CEP63: variants seen among roughly 807,000 people sequenced by gnomAD.
The protein encoded by CEP63 is centrosomal protein of 63 kDa.
A neutral mutation model predicts 89.1 loss-of-function variants in CEP63; 84 were observed. The ratio of observed to expected loss-of-function variants is 0.94; its 90% confidence interval spans 0.79 to 1.13. The LOEUF (loss-of-function observed/expected upper bound fraction) is 1.13, where lower values mean the gene tolerates loss of function less well. Ranked by LOEUF, CEP63 falls within the 50% of genes most tolerant of loss-of-function variation. CEP63 has a pLI of 0.00. For synonymous variants in CEP63, 267 were observed against 272.5 expected, an observed-to-expected ratio of 0.98 and a Z score of 0.20; for missense variants, 838 against 813.3, an observed-to-expected ratio of 1.03 and a Z score of -0.37.
chr3:134,623,431 C>G, the CEP63 span, among the ~76,000 whole-genome samples: 1 of 152,178 alleles, frequency 6.6e-6, no homozygotes, highest in East Asian at 1.9e-4. Flanking sequence ...CCTGCTTCAG[C>G]CTTCTCTATG....
chr3:134,672,042 T>C, the CEP63 span, among the ~76,000 whole-genome samples: 5 of 151,992 alleles, frequency 3.3e-5, no homozygotes, highest in Non-Finnish European at 5.9e-5. Context: ...GTGTGTAGGG[T>C]GGAGTGTTGA....
intron 10 of CEP63, among the ~76,000 whole-genome samples, chr3:134,586,941 T>G (rs931562745): frequency 6.6e-6 from 1 of 152,214 alleles, no homozygotes; most frequent in African/African-American, 2.4e-5. Context: ...TTCATTAATT[T>G]GATCTTCAAT....
the CEP63 span, among the ~76,000 whole-genome samples, chr3:134,773,159 A>C: frequency 0.12 from 18,942 of 152,106 alleles, 1,967 homozygotes; most frequent in South Asian, 0.32. Flanking sequence ...GAATAATGGC[A>C]TCTCCTTCCT....
chr3:134,543,469 G>C (rs1028479670), intron 6 of CEP63, among the ~76,000 whole-genome samples: 2 of 152,098 alleles, frequency 1.3e-5, no homozygotes, highest in African/African-American at 4.8e-5. Context: ...AGTGAAAGAA[G>C]GTTATGTTCT....
At chr3:134,566,890 A>G (rs188887713), downstream of CEP63, among the ~76,000 whole-genome samples, 3 of 152,242 alleles carry the variant, frequency 2.0e-5, no homozygotes, top group South Asian at 2.1e-4. Flanking sequence ...AAGAGTTACC[A>G]TATTACCCAG....
rs1338388865 is a variant in CEP63 at position 134,583,590 on chromosome 3, G to A, written c.1207-3868G>A. On this transcript the variant is annotated intron_variant, in intron 10 of 10. Coordinates refer to the CEP63 transcript ENST00000683931. ...CTGTTTTGGTTACTGTAGCCTTGTAGTATAGTTTGAAGTCAGGTAGAGTGA... is the reference window on the plus strand; with the variant it reads ...CTGTTTTGGTTACTGTAGCCTTGTAATATAGTTTGAAGTCAGGTAGAGTGA... Among the ~76,000 whole-genome samples the A allele has an allele frequency of 5.3e-5, 8 of 152,244 alleles. 1 individual carries two copies. Among genetic ancestry groups the A allele is most frequent in the African/African-American group, 1.9e-4 (8 of 41,532 alleles).
chr3:134,760,310 C>T, the CEP63 span, among the ~76,000 whole-genome samples: 2 of 152,134 alleles, frequency 1.3e-5, no homozygotes, highest in African/African-American at 2.4e-5. Context: ...CCGCCCGCCT[C>T]GGCCTCCCAA....
the CEP63 span, among the ~76,000 whole-genome samples, chr3:134,705,167 T>A: frequency 1.2e-4 from 19 of 152,304 alleles, no homozygotes; most frequent in Admixed American, 1.1e-3. Context: ...GCTGTGTAAT[T>A]TATAAGGAAA....
the CEP63 span, among the ~76,000 whole-genome samples, chr3:134,646,515 T>C: frequency 2.6e-5 from 4 of 152,254 alleles, no homozygotes; most frequent in African/African-American, 9.6e-5. Context: ...TTTAGAATCA[T>C]GCCTGGCACA....
At chr3:134,761,514 A>G in the CEP63 span, among the ~76,000 whole-genome samples, 1 of 152,200 alleles carries the variant, frequency 6.6e-6, no homozygotes, top group African/African-American at 2.4e-5. Context: ...AAGCCGAGGA[A>G]AGAAAAACTC....
intron 14 of CEP63, 106 bp downstream of exon 14, chr3:134,559,535 T>C (rs1956961243): frequency 2.2e-6 from 2 of 921,320 alleles, no homozygotes; most frequent in Non-Finnish European, 3.3e-6. Context: ...CTGATTCTTT[T>C]ATCATAAGTA....
the CEP63 span, among the ~76,000 whole-genome samples, chr3:134,771,843 A>T: frequency 6.6e-6 from 1 of 152,354 alleles, no homozygotes; most frequent in Non-Finnish European, 1.5e-5. Context: ...TGTAAAATAA[A>T]AAAAAGAAGT....
the CEP63 span, chr3:134,604,395 A>G: frequency 6.2e-7 from 1 of 1,614,036 alleles, no homozygotes; most frequent in South Asian, 1.1e-5. Context: ...TCAGCAGCCC[A>G]TGCTCTTGCT....
chr3:134,738,586 A>G, the CEP63 span, among the ~76,000 whole-genome samples: 1 of 152,148 alleles, frequency 6.6e-6, no homozygotes, highest in Non-Finnish European at 1.5e-5. Context: ...CAAATGTGTA[A>G]GAATAATACA....
the CEP63 span, chr3:134,651,235 T>G: frequency 8.0e-7 from 1 of 1,247,236 alleles, no homozygotes; most frequent in Admixed American, 3.5e-5. Flanking sequence ...ACCGGGGCCA[T>G]AGTCAGCAGG....
chr3:134,665,728 G>A, the CEP63 span, among the ~76,000 whole-genome samples: 1 of 97,700 alleles, frequency 1.0e-5, no homozygotes, highest in Admixed American at 1.0e-4. Flanking sequence ...GAGAGAGACA[G>A]GGACAGAGCG....
chr3:134,734,386 G>A, the CEP63 span, among the ~76,000 whole-genome samples: 4 of 152,158 alleles, frequency 2.6e-5, no homozygotes, highest in Admixed American at 6.5e-5. Flanking sequence ...AAGGTTGTAT[G>A]ATTGGTTCTT....
intron 3 of CEP63, among the ~76,000 whole-genome samples, chr3:134,508,502 A>G (rs1559896948): frequency 6.6e-6 from 1 of 152,214 alleles, no homozygotes; most frequent in East Asian, 1.9e-4. Context: ...TCCTAGGGCA[A>G]AACAAAATTC....
At chr3:134,542,950 A>AAAAG (rs1952364908) in intron 6 of CEP63, among the ~76,000 whole-genome samples, 1 of 151,864 alleles carries the variant, frequency 6.6e-6, no homozygotes, top group South Asian at 2.1e-4. Context: ...CAAAAAAAAA[A>AAAAG]AAAGTTTAAA....
Sources: allele counts gnomAD v4.1 joint callset (sites outside exome capture counted in the v4.1 genomes callset), GRCh38; gene constraint gnomAD v4.1.1; transcripts MANE v1.5; gene names NCBI Gene and HGNC (gene_info 2026-07-23, HGNC 2026-07-21).